The following MYLK variants were observed in gnomAD, a reference collection of about 807,000 sequenced individuals.
MYLK encodes myosin light chain kinase.
MYLK carries 106 observed loss-of-function variants against 203.4 expected under a neutral mutation model. The observed-to-expected ratio is 0.52, with a 90% confidence interval of 0.45 to 0.61. The LOEUF is 0.61. Among genes scored for constraint, MYLK ranks in the 20% least tolerant of loss-of-function variants. The pLI, the probability that MYLK is intolerant of heterozygous loss-of-function variation, is 0.00. For missense variants in MYLK, 2,072 were observed against 2,442.3 expected (o/e 0.85, Z 3.20); for synonymous variants, 867 against 959.5 (o/e 0.90, Z 1.78).
intron 2 of MYLK, among the ~76,000 whole-genome samples, chr3:123,850,466 G>A (rs963322369): frequency 5.9e-5 from 9 of 152,170 alleles, no homozygotes; most frequent in African/African-American, 1.9e-4. Flanking sequence ...TCTCATTGCG[G>A]TTTTGATTTG....
At position 123,648,464 on chromosome 3, in the gene MYLK, A is replaced by G. The variant is rs1307894302; in HGVS notation, c.4415+507T>C. Among the ~76,000 whole-genome samples the G allele has an allele frequency of 3.3e-5, 5 of 152,152 alleles. No homozygotes were observed. The highest frequency in any genetic ancestry group is 4.8e-5 in the African/African-American group (2 of 41,422). ...TGATCCAGTCCTCTCATTTTATTTT[A>G]TTTTAAAAATTATTTTATTTTATTG... On this transcript the variant is annotated intron_variant, in intron 26 of 33. Transcript: ENST00000360304. This position sits in a 1 kb window ranked among gnomAD's most constrained non-coding sequence, Gnocchi z 4.5.
chr3:123,627,565 T>G (rs1433204889), intron 30 of MYLK, among the ~76,000 whole-genome samples: 1 of 152,186 alleles, frequency 6.6e-6, no homozygotes, highest in African/African-American at 2.4e-5. Context: ...GCCATTGCCT[T>G]AACTGTAACA....
chr3:123,796,828 CTGG>C (rs2065004482), intron 3 of MYLK, among the ~76,000 whole-genome samples: 1 of 152,168 alleles, frequency 6.6e-6, no homozygotes, highest in East Asian at 1.9e-4. Flanking sequence ...GGAATAAAAA[CTGG>C]TGTAGTCTTT....
chr3:123,618,746 T>C lies in MYLK; in HGVS notation c.5393A>G (p.Glu1798Gly). 1 of 1,614,134 alleles carries C rather than the reference T, an allele frequency of 6.2e-7. No homozygotes were observed. The highest frequency in any genetic ancestry group is 8.5e-7 in the Non-Finnish European group (1 of 1,179,990). Residue 1798 changes from glutamate to glycine, a missense_variant, in exon 33 of 34, where the codon GAG (glutamate) becomes GGG (glycine). Around this residue, in one of 3 missense-constraint regions of MYLK, gnomAD observed 524 missense variants for 782.4 expected, o/e 0.67. Coordinates refer to ENST00000360304, the MANE Select transcript of MYLK (RefSeq NM_053025.4). Reference sequence around the variant, plus strand: ...ATGAGGCTTTTCCTCAGCAACAGCCTCAAGGAAAGCTTGGGACACATCTTC... The same window carrying C: ...ATGAGGCTTTTCCTCAGCAACAGCCCCAAGGAAAGCTTGGGACACATCTTC... ...SEEDVSQAFL[E>G]AVAEEKPHVK...
At chr3:123,837,280 C>G (rs914720466) in intron 2 of MYLK, among the ~76,000 whole-genome samples, 1 of 152,066 alleles carries the variant, frequency 6.6e-6, no homozygotes, top group Admixed American at 6.5e-5. Flanking sequence ...GATCCACCCC[C>G]TTGGCCTCCC....
At chr3:123,709,683 CT>C in intron 14 of MYLK, 72 bp downstream of exon 14, 4 of 1,598,192 alleles carry the variant, frequency 2.5e-6, no homozygotes, top group Non-Finnish European at 1.7e-6. Flanking sequence ...TGAGCGGGTC[CT>C]CGGAGAGCAA....
intron 19 of MYLK, among the ~76,000 whole-genome samples, chr3:123,683,260 C>G (rs1224862136): frequency 6.9e-6 from 1 of 145,740 alleles, no homozygotes; most frequent in African/African-American, 2.5e-5. Flanking sequence ...GCATCCTTTT[C>G]CTGCTCCTGA....
At position 123,700,771 on chromosome 3, in the gene MYLK, G is replaced by C; in HGVS notation, c.2697C>G (p.Asp899Glu). 3 of 1,614,204 alleles carry C rather than the reference G, an allele frequency of 1.9e-6. No individual in the cohort carries two copies. The highest frequency in any genetic ancestry group is 2.5e-6 in the Non-Finnish European group (3 of 1,180,038). ...QQEVEQLDFR[D>E]LLGKKVSTKT... is the part of the protein sequence containing the mutation. ...TTGTACTCACCTTCTTCCCCAGGAG[G>C]TCTCGGAAGTCCAGCTGCTCCACCT... Residue 899 changes from aspartate (D) to glutamate (E), a missense_variant, in exon 18 of 34, where the codon GAC becomes GAG. Asp to Glu is a conservative substitution (Grantham distance 45, BLOSUM62 2). Transcript: ENST00000360304.
intron 4 of MYLK, among the ~76,000 whole-genome samples, chr3:123,788,406 T>C (rs890430347): frequency 6.6e-6 from 1 of 151,806 alleles, no homozygotes; most frequent in Non-Finnish European, 1.5e-5. Context: ...TTTTTAATTA[T>C]ACTTTAAGTT....
chr3:123,694,921 T>C (rs558318574), intron 18 of MYLK, among the ~76,000 whole-genome samples: 1 of 152,038 alleles, frequency 6.6e-6, no homozygotes, highest in African/African-American at 2.4e-5. Flanking sequence ...TCCCAGAGGT[T>C]TTTTTTTGAG....
rs143744494 is a variant in MYLK at position 123,784,060 on chromosome 3, T to C, written c.165+9617A>G. On this transcript the variant is annotated intron_variant, in intron 4 of 33. Transcript: ENST00000360304. ...TTCCTGTCCATTTCCTGCTTTCCCA[T>C]TATGAATATAGACTTGGCTAGGAGA... 2.4e-3 allele frequency among the ~76,000 whole-genome samples: 363 copies of C among 152,328 alleles called. 4 individuals are homozygous for C. Among genetic ancestry groups the C allele is most frequent in the Middle Eastern group, 0.02 (6 of 294 alleles).
intron 3 of MYLK, among the ~76,000 whole-genome samples, chr3:123,812,109 T>TTC (rs1560248662): frequency 3.3e-5 from 5 of 152,188 alleles, no homozygotes; most frequent in Non-Finnish European, 5.9e-5. Context: ...GAGTCAGCGA[T>TTC]AGAGATTCAG....
intron 9 of MYLK, 175 bp from the exon 10 acceptor site, chr3:123,734,397 C>G: frequency 1.6e-6 from 1 of 623,216 alleles, no homozygotes; most frequent in Non-Finnish European, 2.6e-6. Flanking sequence ...TTTCCCAAGC[C>G]ACAGCACAAG....
At chr3:123,664,699 G>GA (rs2059679482) in intron 22 of MYLK, among the ~76,000 whole-genome samples, 1 of 152,262 alleles carries the variant, frequency 6.6e-6, no homozygotes, top group South Asian at 2.1e-4. Context: ...TAGTTAAGTG[G>GA]AAACAACCCA....
rs563436522 is a variant in MYLK, at chr3:123,718,774, C to T, written c.1804+3354G>A. 2.8e-4 allele frequency among the ~76,000 whole-genome samples: 42 copies of T among 152,282 alleles called. No individual in the cohort carries two copies. In the South Asian group the frequency reaches 6.0e-3, roughly 22 times the overall value. On this transcript the variant is annotated intron_variant, in intron 13 of 33. Coordinates refer to ENST00000360304, the MANE Select transcript of MYLK (RefSeq NM_053025.4). ...CTGCTCATGTTCTTAACAGCACGTG[C>T]CAGCATTTGAAATGAGGCCAGGTGC...
intron 8 of MYLK, 93 bp downstream of exon 8, chr3:123,737,285 A>T: frequency 6.5e-7 from 1 of 1,534,800 alleles, no homozygotes; most frequent in Non-Finnish European, 9.0e-7. Flanking sequence ...CCAGGTGTAT[A>T]CACACACAGG....
chr3:123,674,920 C>T (rs901334093), intron 20 of MYLK, among the ~76,000 whole-genome samples: 1 of 152,268 alleles, frequency 6.6e-6, no homozygotes, highest in East Asian at 1.9e-4. Context: ...AACATGGACA[C>T]ACCACGGCAA....
Position 123,640,607 on chromosome 3 carries a change from A to G in MYLK, c.4620-103T>C. 2 of 1,258,164 alleles carry G rather than the reference A, an allele frequency of 1.6e-6. No individual in the cohort carries two copies. Among genetic ancestry groups the G allele is most frequent in the Non-Finnish European group, 2.3e-6 (2 of 872,876 alleles). 77.9% of individuals were successfully genotyped at this position (1,258,164 alleles called of 1,614,324 possible). On this transcript the variant is annotated intron_variant, in intron 27 of 33. Transcript: ENST00000360304. The surrounding 1 kb of genome is among the most constrained non-coding windows in gnomAD (Gnocchi z 4.3). ...GCTGGGGGTAGGAGAAATTGGCAGG[A>G]AAGCCCAGGGAATGGGGGTGATGGG...
In MYLK at chr3:123,831,536, C is replaced by T; in HGVS notation, c.-4+12G>A. 1 of 732,250 alleles carries T rather than the reference C, an allele frequency of 1.4e-6. No individual in the cohort carries two copies. The highest frequency in any genetic ancestry group is 7.8e-5 in the East Asian group (1 of 12,778). The allele number at this position is 732,250 out of a possible 1,614,324, so 45.4% of individuals were successfully genotyped here. A position where few individuals can be genotyped will look rare whatever the true frequency, so the allele number is the denominator to read the frequency against. On this transcript the variant is annotated intron_variant, in intron 3 of 33. Transcript: ENST00000360304. ...AATGGTCAACAGCATAATGTAAACT[C>T]TGTTCACTCACCACCGTCTTCTCTG...
Sources: allele counts gnomAD v4.1 joint callset (sites outside exome capture counted in the v4.1 genomes callset), GRCh38; gene constraint gnomAD v4.1.1; regional missense constraint gnomAD v4.1.1; non-coding constraint Gnocchi (gnomAD v3.1); transcripts MANE v1.5; gene names NCBI Gene and HGNC (gene_info 2026-07-23, HGNC 2026-07-21).